Variants in SORCS1 observed in about 807,000 individuals in gnomAD.
The protein encoded by SORCS1 is VPS10 domain-containing receptor SorCS1.
Under a neutral mutation model 146.1 loss-of-function variants are expected in SORCS1, and 60 were observed. That is an observed-to-expected ratio of 0.41 (90% CI 0.33 to 0.51). SORCS1 has a LOEUF of 0.51. Ranked by LOEUF, SORCS1 falls within the 20% of genes least tolerant of loss-of-function variation. The probability of loss-of-function intolerance (pLI) is 0.21; values close to 1 mark genes in which losing one functional copy is unlikely to be tolerated. For missense variants in SORCS1, 1,352 were observed against 1,487.6 expected (o/e 0.91, Z 1.50); for synonymous variants, 637 against 584.0 (o/e 1.09, Z -1.31).
At chr10:106,829,406 GA>G (rs1948442547) in intron 3 of SORCS1, among the ~76,000 whole-genome samples, 167 bp downstream of exon 3, 1 of 152,132 alleles carries the variant, frequency 6.6e-6, no homozygotes, top group Admixed American at 6.5e-5. Flanking sequence ...CTGCTGATCT[GA>G]AAATTATGAT....
intron 22 of SORCS1, 83 bp from the exon 23 acceptor site, chr10:106,607,380 G>A (rs928163526): frequency 1.3e-6 from 2 of 1,553,126 alleles, no homozygotes; most frequent in Admixed American, 1.9e-5. Context: ...GGGGGATCAG[G>A]GGTAGGCAGA....
chr10:106,688,373 A>C (rs1853030859), intron 9 of SORCS1, 35 bp from the exon 10 acceptor site: 2 of 1,605,466 alleles, frequency 1.2e-6, no homozygotes, highest in African/African-American at 2.7e-5. Flanking sequence ...AAATACATCA[A>C]TTTGAGAAGG....
At chr10:106,955,938 A>G (rs2138982815) in intron 2 of SORCS1, among the ~76,000 whole-genome samples, 1 of 152,190 alleles carries the variant, frequency 6.6e-6, no homozygotes. Context: ...GATCAGCCTG[A>G]CCAAGATGGA....
intron 2 of SORCS1, among the ~76,000 whole-genome samples, chr10:106,871,220 A>G (rs1279161125): frequency 1.3e-5 from 2 of 152,194 alleles, no homozygotes; most frequent in Non-Finnish European, 2.9e-5. Flanking sequence ...GCAATGTTGC[A>G]AAGACAAGGG....
intron 24 of SORCS1, among the ~76,000 whole-genome samples, chr10:106,595,916 C>G (rs1452272178): frequency 6.6e-6 from 1 of 152,144 alleles, no homozygotes; most frequent in Non-Finnish European, 1.5e-5. Flanking sequence ...TTTAAATTTC[C>G]TATACAGCTT....
chr10:106,634,634 T>A (rs960997312), intron 18 of SORCS1, among the ~76,000 whole-genome samples: 16 of 152,252 alleles, frequency 1.1e-4, no homozygotes, highest in Non-Finnish European at 1.9e-4. Flanking sequence ...AGCATTATTT[T>A]CTTTTCTTGC....
intron 4 of SORCS1, among the ~76,000 whole-genome samples, chr10:106,764,867 C>CA (rs1564945163): frequency 6.6e-6 from 1 of 151,716 alleles, no homozygotes; most frequent in Non-Finnish European, 1.5e-5. Context: ...ACTAAAAATA[C>CA]AAAAAATTAG....
chr10:106,605,293 T>C (rs1334441811), intron 23 of SORCS1, among the ~76,000 whole-genome samples: 1 of 152,164 alleles, frequency 6.6e-6, no homozygotes, highest in Non-Finnish European at 1.5e-5. Context: ...CATACATAAG[T>C]ATAAGAAGTT....
chr10:106,792,117 T>C (rs993855678), intron 3 of SORCS1, among the ~76,000 whole-genome samples: 2 of 152,226 alleles, frequency 1.3e-5, no homozygotes, highest in East Asian at 1.9e-4. Context: ...TCTACATTTC[T>C]GGAAAAAGAC....
In SORCS1 at chr10:106,917,485, G is replaced by T. The variant is rs1952501444; in HGVS notation, c.626+39028C>A. On this transcript the variant is annotated intron_variant, in intron 2 of 25. Coordinates refer to ENST00000263054, the MANE Select transcript of SORCS1 (RefSeq NM_052918.5). ...TTTTGCTTGTTTAGTATCCCCGATG[G>T]TACTAAACCCACAGTTAGATTAGGC... 1.3e-5 allele frequency among the ~76,000 whole-genome samples: 2 copies of T among 152,082 alleles called. 1 individual carries two copies. Among genetic ancestry groups the T allele is most frequent in the African/African-American group, 4.8e-5 (2 of 41,412 alleles).
chr10:106,949,920 C>G (rs557731478), intron 2 of SORCS1, among the ~76,000 whole-genome samples: 23 of 152,282 alleles, frequency 1.5e-4, no homozygotes, highest in Non-Finnish European at 2.8e-4. Context: ...CCTCTCTCAA[C>G]AGAGTACTGA....
chr10:106,996,816 C>T (rs558085947), intron 1 of SORCS1, among the ~76,000 whole-genome samples: 1 of 152,306 alleles, frequency 6.6e-6, no homozygotes, highest in Admixed American at 6.5e-5. Flanking sequence ...GAGACTTAAA[C>T]TCAATGTTTC....
At chr10:106,935,069 A>T (rs1953643070) in intron 2 of SORCS1, among the ~76,000 whole-genome samples, 3 of 152,096 alleles carry the variant, frequency 2.0e-5, no homozygotes, top group South Asian at 2.1e-4. Flanking sequence ...TACTGAAATT[A>T]AAAAAATACT....
chr10:107,041,537 G>A (rs1197056253), intron 1 of SORCS1, among the ~76,000 whole-genome samples: 3 of 152,074 alleles, frequency 2.0e-5, no homozygotes, highest in African/African-American at 7.2e-5. Context: ...CTCTAGTTAC[G>A]GAGTCAGTTT....
chr10:106,997,494 T>G (rs1957046954), intron 1 of SORCS1, among the ~76,000 whole-genome samples: 2 of 152,154 alleles, frequency 1.3e-5, no homozygotes, highest in Non-Finnish European at 2.9e-5. Flanking sequence ...CAGCCCCCAG[T>G]AAAACACTGC....
At chr10:107,180,690 G>C in the SORCS1 span, among the ~76,000 whole-genome samples, 1 of 151,964 alleles carries the variant, frequency 6.6e-6, no homozygotes, top group African/African-American at 2.4e-5. Context: ...TTTCTGTTCT[G>C]TTTCTAGGTT....
intron 1 of SORCS1, among the ~76,000 whole-genome samples, chr10:107,092,883 G>GAA (rs34184443): frequency 0.03 from 1,842 of 61,280 alleles, 40 homozygotes; most frequent in Non-Finnish European, 0.032. Flanking sequence ...AGAAGACCAT[G>GAA]AAAAAAAAAA....
At chr10:107,105,004 G>T (rs565862773) in intron 1 of SORCS1, among the ~76,000 whole-genome samples, 4 of 152,314 alleles carry the variant, frequency 2.6e-5, no homozygotes, top group Non-Finnish European at 5.9e-5. Context: ...TGGCCAGAAA[G>T]TCTAATTTTA....
At chr10:106,662,742 T>C (rs1006705218) in intron 17 of SORCS1, among the ~76,000 whole-genome samples, 1 of 152,222 alleles carries the variant, frequency 6.6e-6, no homozygotes, top group African/African-American at 2.4e-5. Context: ...CTTGTTCTTT[T>C]TGCATGAAAT....
Sources: gnomAD v4.1 joint callset for allele counts (sites outside exome capture counted in the v4.1 genomes callset) on GRCh38, gnomAD v4.1.1 for gene constraint, MANE v1.5 for transcripts, NCBI Gene and HGNC (gene_info 2026-07-23, HGNC 2026-07-21) for gene names.